The following PRRC2B variants were observed in gnomAD, a reference collection of about 807,000 sequenced individuals.
The protein encoded by PRRC2B is protein PRRC2B.
Under a neutral mutation model 242.3 loss-of-function variants are expected in PRRC2B, and 68 were observed. That is an observed-to-expected ratio of 0.28 (90% CI 0.23 to 0.34). The LOEUF is 0.34. PRRC2B is among the 10% of genes least tolerant of loss of function. The pLI is 1.00. For synonymous variants in PRRC2B, 1,228 were observed against 1,173.6 expected, an observed-to-expected ratio of 1.05 and a Z score of -0.95; for missense variants, 2,835 against 2,954.8, an observed-to-expected ratio of 0.96 and a Z score of 0.94.
intron 12 of PRRC2B, among the ~76,000 whole-genome samples, chr9:131,466,123 T>G (rs941277017): frequency 3.3e-5 from 5 of 152,238 alleles, no homozygotes; most frequent in African/African-American, 1.2e-4. Context: ...TCTTTATAAT[T>G]TTCTTAAATA....
At chr9:131,390,985 C>T (rs151156590), upstream of PRRC2B, among the ~76,000 whole-genome samples, 978 of 151,830 alleles carry the variant, frequency 6.4e-3, 10 homozygotes, top group African/African-American at 0.022. Context: ...CAGGGTTTCA[C>T]CATGTTGGTC....
chr9:131,468,826 T>TGAGAA lies in PRRC2B; in HGVS notation c.1911+1073_1911+1074insGAGAA, dbSNP rs1298391482. ...CTTTAAACTTCTCACCTCAGCCTCT[T>TGAGAA]CTCTCCTCTGGGCACCTGGGAGCCT... On this transcript the variant is annotated intron_variant, in intron 13 of 31. Transcript: ENST00000683519. Among the ~76,000 whole-genome samples the TGAGAA allele has an allele frequency of 2.0e-5, 3 of 152,308 alleles. No homozygotes were observed. In the East Asian group the frequency reaches 5.8e-4, roughly 29 times the overall value.
chr9:131,455,021 C>T, intron 9 of PRRC2B, 55 bp from the exon 10 acceptor site: 1 of 1,404,650 alleles, frequency 7.1e-7, no homozygotes, highest in Non-Finnish European at 1.0e-6. Flanking sequence ...CACGTCCGGC[C>T]ACCACTGACT....
chr9:131,386,729 A>G (rs1836830798), intron 1 of PRRC2B, among the ~76,000 whole-genome samples: 1 of 149,876 alleles, frequency 6.7e-6, no homozygotes, highest in African/African-American at 2.4e-5. Flanking sequence ...AGCACTCACT[A>G]TTTGCCAGGC....
At chr9:131,416,132 A>T (rs1837642843) in intron 1 of PRRC2B, among the ~76,000 whole-genome samples, 1 of 148,860 alleles carries the variant, frequency 6.7e-6, no homozygotes, top group South Asian at 2.1e-4. Context: ...TTTTTAAGAC[A>T]GTGTCTTGCT....
intron 3 of PRRC2B, among the ~76,000 whole-genome samples, chr9:131,434,707 G>A (rs1479522866): frequency 6.6e-6 from 1 of 152,192 alleles, no homozygotes; most frequent in Non-Finnish European, 1.5e-5. Flanking sequence ...TTACAGATAA[G>A]CCACTTGTAT....
Position 131,485,098 on chromosome 9 carries a change from C to T in PRRC2B, c.5716C>T (p.Pro1906Ser). The change falls in exon 25 of 32, where the codon CCC (proline) becomes TCC (serine). Residue 1906 changes from proline to serine, a missense_variant. By Grantham distance (74) the Pro-to-Ser change is moderately conservative. This residue lies in a region of PRRC2B where 574 missense variants were observed against 626.0 expected (regional missense o/e 0.92). Coordinates refer to ENST00000683519, the MANE Select transcript of PRRC2B (RefSeq NM_013318.4). ...YSSFGGVSMPPMPVASVAPSA... is the reference protein window; with the variant it reads ...YSSFGGVSMPSMPVASVAPSA... ...CTCCTTCGGTGGAGTGTCCATGCCA[C>T]CCATGCCTGTGGCCTCTGTAGCACC... 1 of 1,602,176 alleles carries T rather than the reference C, an allele frequency of 6.2e-7. No individual in the cohort carries two copies. Among genetic ancestry groups the T allele is most frequent in the Non-Finnish European group, 8.5e-7 (1 of 1,173,926 alleles).
rs766887021 is a variant in PRRC2B, at chr9:131,446,563, A to T, written c.776A>T (p.Gln259Leu). ...AAGGACCCCTCTCTCCGCCCGGCTC[A>T]GCCTGTCCGAAAAGGGGCTTCACAG... is the stretch of plus-strand genomic sequence containing the variant. ...DSKDPSLRPA[Q>L]PVRKGASQFM... Residue 259 changes from glutamine to leucine, a missense_variant, in exon 7 of 32, where the codon CAG (glutamine) becomes CTG (leucine). By Grantham distance (113) the Gln-to-Leu change is moderately radical. Around this residue, in one of 7 missense-constraint regions of PRRC2B, gnomAD observed 626 missense variants for 685.5 expected, o/e 0.91. Transcript: ENST00000683519. The surrounding 1 kb of genome is among the most constrained non-coding windows in gnomAD (Gnocchi z 4.1). 6.2e-7 allele frequency: 1 copy of T among 1,613,952 alleles called. No individual in the cohort carries two copies. Among genetic ancestry groups the T allele is most frequent in the Non-Finnish European group, 8.5e-7 (1 of 1,179,846 alleles).
In PRRC2B at chr9:131,432,792, G is replaced by A; in HGVS notation, c.291G>A (p.Lys97=). The A allele has an allele frequency of 6.2e-7, 1 of 1,613,662 alleles. No homozygotes were observed. Residue 97 remains lysine (K), a splice_region_variant and synonymous_variant, in exon 3 of 32, where the codon AAG becomes AAA. Transcript: ENST00000683519. ...ACAAGCAGGATCAGCAAGACCCAAA[G>A]AGGTAAACGGAGGAGGCGGGTGGTG... ...WANKQDQQDP[K]SSSATASQPP...
chr9:131,447,570 C>G (rs1341911386), intron 8 of PRRC2B, 92 bp from the exon 9 acceptor site: 1 of 1,222,706 alleles, frequency 8.2e-7, no homozygotes, highest in African/African-American at 1.5e-5. Context: ...CAAACATGAA[C>G]CTTTGCAGTG....
intron 13 of PRRC2B, 118 bp downstream of exon 13, chr9:131,467,871 T>G: frequency 9.6e-7 from 1 of 1,043,516 alleles, no homozygotes; most frequent in Non-Finnish European, 1.4e-6. Context: ...ATATCCCTTA[T>G]GTGCCCCCAA....
At chr9:131,403,717 C>T (rs1837285535) in intron 1 of PRRC2B, among the ~76,000 whole-genome samples, 1 of 150,508 alleles carries the variant, frequency 6.6e-6, no homozygotes, top group South Asian at 2.1e-4. Flanking sequence ...GAAATGAAAG[C>T]TTTTCCCCAA....
intron 18 of PRRC2B, 104 bp downstream of exon 18, chr9:131,478,723 T>G: frequency 1.3e-6 from 1 of 765,090 alleles, no homozygotes; most frequent in Non-Finnish European, 2.1e-6. Flanking sequence ...AAGCTCAAGG[T>G]GGCAGAGAGG....
In PRRC2B at chr9:131,462,836, T is replaced by TGAAAAA. The variant is rs1554763506; in HGVS notation, c.1405-1927_1405-1926insGAAAAA. On this transcript the variant is annotated intron_variant, in intron 11 of 31. Transcript: ENST00000683519. ...CTGGGTGACAGAGTGAGACTCCGTC[T>TGAAAAA]AAAAAAAAAAAAAAAAAAAAGGTCT... 5.5e-4 allele frequency among the ~76,000 whole-genome samples: 45 copies of TGAAAAA among 81,936 alleles called. 2 individuals are homozygous for TGAAAAA. Among genetic ancestry groups the TGAAAAA allele is most frequent in the Non-Finnish European group, 7.6e-4 (34 of 44,534 alleles). 53.8% of individuals were successfully genotyped at this position (81,936 alleles called of 152,430 possible).
At position 131,497,492 on chromosome 9, in the gene PRRC2B, C is replaced by T. The variant is rs1482113009; in HGVS notation, c.*1618C>T. 1.3e-5 allele frequency: 2 copies of T among 152,220 alleles called. No homozygotes were observed. Among genetic ancestry groups the T allele is most frequent in the Non-Finnish European group, 2.9e-5 (2 of 68,068 alleles). The allele number at this position is 152,220 out of a possible 1,614,324, so 9.4% of individuals were successfully genotyped here. On this transcript the variant is annotated 3_prime_UTR_variant, in exon 32 of 32. Transcript: ENST00000683519. ...AGGGGGCCGGGGATGCACCCCCCACCAGAGGCTGCCTTCAGCGTCTCACGG... is the reference window on the plus strand; with the variant it reads ...AGGGGGCCGGGGATGCACCCCCCACTAGAGGCTGCCTTCAGCGTCTCACGG...
intron 1 of PRRC2B, 38 bp from the exon 2 acceptor site, chr9:131,430,053 TCTC>T: frequency 4.6e-6 from 3 of 657,488 alleles, no homozygotes; most frequent in South Asian, 1.9e-5. Context: ...TTTTTTTTTT[TCTC>T]TCTCTTTTTT....
At chr9:131,394,035 G>T, upstream of PRRC2B, 1 of 150,446 alleles carries the variant, frequency 6.6e-6, no homozygotes, top group South Asian at 1.8e-4. Flanking sequence ...CGAGGAGGCG[G>T]GGGCGGCGGC....
rs768167113 is a variant in PRRC2B, at chr9:131,475,566, A to G, written c.3437A>G (p.Lys1146Arg). ...GGCTCAGAGTATGAAGAACTTCCCA[A>G]GCGCCGCCGGCAGAGGGGCTCCGAG... ...SEGSEYEELP[K>R]RRRQRGSENG... The change falls in exon 16 of 32, where the codon AAG becomes AGG. Residue 1146 changes from lysine (K) to arginine (R), a missense_variant. Physicochemically the swap from Lys to Arg is conservative, Grantham distance 26 (BLOSUM62 2). Transcript: ENST00000683519. 4 of 1,612,828 alleles carry G rather than the reference A, an allele frequency of 2.5e-6. No homozygotes were observed. The highest frequency in any genetic ancestry group is 1.7e-5 in the Admixed American group (1 of 59,978).
At position 131,428,939 on chromosome 9, in the gene PRRC2B, G is replaced by A. The variant is rs183731597; in HGVS notation, c.-51-1155G>A. Among the ~76,000 whole-genome samples the A allele has an allele frequency of 8.5e-5, 13 of 152,296 alleles. No homozygotes were observed. The East Asian group carries it at 1.7e-3, about 20-fold the overall frequency. ...GTGCCTGGCACACAGGCCCTTGGTC[G>A]GCACTTAGTATTTGTTTTTGTTGTG... On this transcript the variant is annotated intron_variant, in intron 1 of 31. Transcript: ENST00000683519.
Sources: gnomAD v4.1 joint callset for allele counts (sites outside exome capture counted in the v4.1 genomes callset) on GRCh38, gnomAD v4.1.1 for gene constraint, gnomAD v4.1.1 regional missense constraint, Gnocchi (gnomAD v3.1) non-coding constraint, MANE v1.5 for transcripts, NCBI Gene and HGNC (gene_info 2026-07-23, HGNC 2026-07-21) for gene names.